STX17: variants seen among roughly 807,000 people sequenced by gnomAD.
STX17 encodes the protein syntaxin 17.
A neutral mutation model predicts 35.9 loss-of-function variants in STX17; 29 were observed. The observed-to-expected ratio is 0.81, with a 90% CI of 0.60 to 1.10. The LOEUF (loss-of-function observed/expected upper bound fraction) is 1.10, where lower values mean the gene tolerates loss of function less well. Among genes scored for constraint, STX17 ranks in the 50% least tolerant of loss-of-function variants. The probability of loss-of-function intolerance (pLI) is 0.00; values close to 1 mark genes in which losing one functional copy is unlikely to be tolerated. For synonymous variants in STX17, 92 were observed against 118.3 expected (o/e 0.78, Z 1.44); for missense variants, 312 against 352.3 (o/e 0.89, Z 0.92).
chr9:99,924,304 C>T (rs1475835343), intron 2 of STX17, among the ~76,000 whole-genome samples: 1 of 152,092 alleles, frequency 6.6e-6, no homozygotes, highest in Non-Finnish European at 1.5e-5. Context: ...GAAAGTGCCC[C>T]AGCATTGTAA....
intron 2 of STX17, among the ~76,000 whole-genome samples, chr9:99,920,814 TTTAATA>T (rs1158811253): frequency 1.3e-4 from 11 of 87,890 alleles, no homozygotes; most frequent in Non-Finnish European, 3.0e-4. Flanking sequence ...ATTGATAACT[TTTAATA>T]GTGTATCCTA....
intron 4 of STX17, 164 bp downstream of exon 4, chr9:99,951,449 C>T: frequency 1.5e-6 from 1 of 646,306 alleles, no homozygotes. Flanking sequence ...AATGTGTACC[C>T]TGGATATTTT....
chr9:99,938,870 A>G (rs2416941), intron 3 of STX17, among the ~76,000 whole-genome samples: 5 of 150,420 alleles, frequency 3.3e-5, no homozygotes, highest in Non-Finnish European at 7.4e-5. Flanking sequence ...TCGGCCTGAG[A>G]TTTTTCTTCA....
intron 4 of STX17, among the ~76,000 whole-genome samples, chr9:99,957,849 C>T (rs565033074): frequency 3.3e-5 from 5 of 151,752 alleles, no homozygotes; most frequent in African/African-American, 4.8e-5. Context: ...GATGGGGTTT[C>T]GCCGTGTTGC....
intron 2 of STX17, among the ~76,000 whole-genome samples, chr9:99,927,769 G>A (rs186455086): frequency 3.9e-4 from 59 of 152,280 alleles, no homozygotes; most frequent in African/African-American, 1.2e-3. Flanking sequence ...GAGCCACCGC[G>A]CCTGGCCGGT....
chr9:99,939,857 GCAT>G (rs1829313970), intron 3 of STX17, among the ~76,000 whole-genome samples: 1 of 152,176 alleles, frequency 6.6e-6, no homozygotes, highest in South Asian at 2.1e-4. Flanking sequence ...TGCTCTCTCT[GCAT>G]CATCTGCCAA....
chr9:99,925,694 G>A (rs142131060), intron 2 of STX17, among the ~76,000 whole-genome samples: 71 of 151,970 alleles, frequency 4.7e-4, no homozygotes, highest in African/African-American at 1.6e-3. Flanking sequence ...CTTCTGGCTT[G>A]GATTGTTTCT....
chr9:99,946,375 A>G (rs1829483437), intron 3 of STX17, among the ~76,000 whole-genome samples: 1 of 152,194 alleles, frequency 6.6e-6, no homozygotes, highest in African/African-American at 2.4e-5. Flanking sequence ...ATATACTTTT[A>G]CTAGAAATTA....
At chr9:99,926,744 C>T (rs558375499) in intron 2 of STX17, among the ~76,000 whole-genome samples, 19 of 152,276 alleles carry the variant, frequency 1.2e-4, no homozygotes, top group Admixed American at 5.9e-4. Context: ...GTGATCCGCC[C>T]GCTTCAGCCT....
At chr9:99,927,537 A>C (rs1338862611) in intron 2 of STX17, among the ~76,000 whole-genome samples, 1 of 141,166 alleles carries the variant, frequency 7.1e-6, no homozygotes, top group Non-Finnish European at 1.6e-5. Context: ...GCAGTGTGGC[A>C]CGATCTTGGC....
intron 4 of STX17, among the ~76,000 whole-genome samples, chr9:99,954,225 G>A (rs1047204486): frequency 2.6e-5 from 4 of 151,940 alleles, no homozygotes; most frequent in African/African-American, 9.7e-5. Context: ...GTATTGATTT[G>A]GTTGAGACAG....
At chr9:99,945,738 C>A in intron 3 of STX17, 1 of 400,144 alleles carries the variant, frequency 2.5e-6, no homozygotes, top group African/African-American at 2.1e-5. Flanking sequence ...TACATTTGAG[C>A]CTTCTCCAAG....
chr9:99,955,321 A>G (rs1171700406), intron 4 of STX17, among the ~76,000 whole-genome samples: 1 of 152,124 alleles, frequency 6.6e-6, no homozygotes, highest in Admixed American at 6.6e-5. Flanking sequence ...GAACAGTTTT[A>G]TGAAACATGT....
chr9:99,951,372 T>C lies in STX17; in HGVS notation c.415+87T>C, dbSNP rs1486746925. 4 of 1,232,802 alleles carry C rather than the reference T, an allele frequency of 3.2e-6. No individual in the cohort carries two copies. In the African/African-American group the frequency reaches 6.0e-5, roughly 19 times the overall value. The allele number at this position is 1,232,802 out of a possible 1,614,324, so 76.4% of individuals were successfully genotyped here. A position where few individuals can be genotyped will look rare whatever the true frequency, so the allele number is the denominator to read the frequency against. On this transcript the variant is annotated intron_variant, in intron 4 of 7. Coordinates refer to ENST00000259400, the MANE Select transcript of STX17 (RefSeq NM_017919.3). ...CCTTGAGTAGATACTGAATTATCTATAGGTCTTCAGAGACCATTCACTATC... is the reference window on the plus strand; with the variant it reads ...CCTTGAGTAGATACTGAATTATCTACAGGTCTTCAGAGACCATTCACTATC...
chr9:99,922,503 G>T (rs1290440523), intron 2 of STX17, among the ~76,000 whole-genome samples: 1 of 152,156 alleles, frequency 6.6e-6, no homozygotes, highest in Non-Finnish European at 1.5e-5. Context: ...ACCTAGAAGG[G>T]TATATTCTTG....
chr9:99,915,429 C>A, intron 2 of STX17, 67 bp downstream of exon 2: 1 of 1,505,968 alleles, frequency 6.6e-7, no homozygotes, highest in South Asian at 1.3e-5. Flanking sequence ...TTGTTCATTT[C>A]AGCTAAATTT....
At chr9:99,912,007 A>G (rs939819654) in intron 1 of STX17, among the ~76,000 whole-genome samples, 1 of 152,164 alleles carries the variant, frequency 6.6e-6, no homozygotes, top group African/African-American at 2.4e-5. Context: ...CAGGTGGATC[A>G]CCTGAGGTCA....
At chr9:99,914,819 GC>G (rs1399302143) in intron 1 of STX17, among the ~76,000 whole-genome samples, 2 of 152,062 alleles carry the variant, frequency 1.3e-5, no homozygotes, top group Non-Finnish European at 2.9e-5. Context: ...TATACTCCTA[GC>G]TTTTTTAAAA....
At chr9:99,966,314 A>G (rs1272985834) in intron 6 of STX17, among the ~76,000 whole-genome samples, 1 of 152,240 alleles carries the variant, frequency 6.6e-6, no homozygotes, top group Non-Finnish European at 1.5e-5. Context: ...ATTGGAATGA[A>G]GGGATACCAC....
Sources: allele counts gnomAD v4.1 joint callset (sites outside exome capture counted in the v4.1 genomes callset), GRCh38; gene constraint gnomAD v4.1.1; transcripts MANE v1.5; gene names NCBI Gene and HGNC (gene_info 2026-07-23, HGNC 2026-07-21).